FN1: variants seen among roughly 807,000 people sequenced by gnomAD.
The protein encoded by FN1 is fibronectin 1.
Under a neutral mutation model 297.3 loss-of-function variants are expected in FN1, and 106 were observed. The observed-to-expected ratio is 0.36, with a 90% CI of 0.30 to 0.42. The LOEUF (loss-of-function observed/expected upper bound fraction) is 0.42. Ranked by LOEUF, FN1 falls within the 10% of genes least tolerant of loss-of-function variation. The probability of loss-of-function intolerance (pLI) is 1.00; values close to 1 mark genes in which losing one functional copy is unlikely to be tolerated. For missense variants in FN1, 2,690 were observed against 3,124.9 expected, an observed-to-expected ratio of 0.86 and a Z score of 3.32; for synonymous variants, 1,149 against 1,152.6, an observed-to-expected ratio of 1.00 and a Z score of 0.06.
intron 13 of FN1, among the ~76,000 whole-genome samples, chr2:215,412,191 C>CTTTTTT (rs11315848): frequency 1.4e-5 from 2 of 144,548 alleles, no homozygotes; most frequent in Non-Finnish European, 1.5e-5. Context: ...AATGACTTTT[C>CTTTTTT]TTTTTTTTTT....
At chr2:215,434,565 A>T in intron 2 of FN1, 131 bp downstream of exon 2, 1 of 1,137,416 alleles carries the variant, frequency 8.8e-7, no homozygotes, top group East Asian at 2.4e-5. Flanking sequence ...AGCAGTTTTT[A>T]AACTTAAGAG....
chr2:215,397,894 G>A (rs2060495825), intron 21 of FN1, 46 bp from the exon 22 acceptor site: 2 of 1,563,564 alleles, frequency 1.3e-6, no homozygotes, highest in Admixed American at 1.7e-5. Context: ...AATATTTCCA[G>A]AGGACTGTTA....
chr2:215,399,415 G>T, intron 20 of FN1, 64 bp from the exon 21 acceptor site: 2 of 1,080,638 alleles, frequency 1.9e-6, no homozygotes, highest in Non-Finnish European at 2.9e-6. Flanking sequence ...ATAGCATATA[G>T]ATAACAAGTA....
intron 13 of FN1, among the ~76,000 whole-genome samples, chr2:215,410,688 G>A (rs2062498554): frequency 6.6e-6 from 1 of 151,960 alleles, no homozygotes; most frequent in Non-Finnish European, 1.5e-5. Flanking sequence ...TATATTTTTA[G>A]TAGAGATGGG....
chr2:215,419,734 T>C (rs1246810013), intron 11 of FN1, among the ~76,000 whole-genome samples: 2 of 152,200 alleles, frequency 1.3e-5, no homozygotes, highest in South Asian at 2.1e-4. Flanking sequence ...AACATTTAAA[T>C]AGCAAGAAAA....
intron 21 of FN1, among the ~76,000 whole-genome samples, chr2:215,398,552 G>C (rs1375819742): frequency 1.3e-5 from 2 of 152,132 alleles, no homozygotes; most frequent in Non-Finnish European, 2.9e-5. Flanking sequence ...TTCTATATTT[G>C]AGTAGCATAA....
intron 2 of FN1, among the ~76,000 whole-genome samples, chr2:215,434,121 A>C (rs2067024956): frequency 6.6e-6 from 1 of 152,106 alleles, no homozygotes; most frequent in African/African-American, 2.4e-5. Context: ...CAAAACAAAA[A>C]CAAACAAACA....
At chr2:215,373,041 C>T (rs1366627508) in intron 39 of FN1, among the ~76,000 whole-genome samples, 2 of 151,996 alleles carry the variant, frequency 1.3e-5, no homozygotes, top group Non-Finnish European at 2.9e-5. Context: ...GCAATGATAG[C>T]TCTTCTTTTA....
At chr2:215,375,119 C>G in intron 38 of FN1, 95 bp downstream of exon 38, 1 of 1,257,038 alleles carries the variant, frequency 8.0e-7, no homozygotes, top group Non-Finnish European at 1.2e-6. Context: ...TTCGCATTCT[C>G]ATGACACAGT....
At chr2:215,372,442 A>G (rs1009168785) in intron 39 of FN1, 67 bp from the exon 40 acceptor site, 74 of 1,165,920 alleles carry the variant, frequency 6.3e-5, no homozygotes, top group Non-Finnish European at 8.5e-5. Flanking sequence ...CAGCAATGAT[A>G]ATAATCGATT....
At chr2:215,384,581 C>T (rs1250698748) in intron 29 of FN1, 1 of 399,174 alleles carries the variant, frequency 2.5e-6, no homozygotes, top group Non-Finnish European at 4.5e-6. Flanking sequence ...ATAAAAATCA[C>T]TTATTTCCAC....
At chr2:215,433,554 TCCA>T in intron 2 of FN1, 93 bp from the exon 3 acceptor site, 1 of 1,235,964 alleles carries the variant, frequency 8.1e-7, no homozygotes, top group East Asian at 2.5e-5. Context: ...ACTTCTCTAT[TCCA>T]CAAGTAACAT....
intron 2 of FN1, 89 bp from the exon 3 acceptor site, chr2:215,433,550 C>T (rs2066905331): frequency 7.8e-7 from 1 of 1,287,022 alleles, no homozygotes; most frequent in Admixed American, 2.0e-5. Context: ...ACCCACTTCT[C>T]TATTCCACAA....
intron 41 of FN1, among the ~76,000 whole-genome samples, chr2:215,369,917 G>A (rs2106209740): frequency 6.6e-6 from 1 of 152,250 alleles, no homozygotes; most frequent in South Asian, 2.1e-4. Context: ...TCACTCAAGA[G>A]GACAGCAGCA....
In FN1 at chr2:215,435,843, G is replaced by C; in HGVS notation, c.-41C>G. The C allele has an allele frequency of 1.3e-6, 2 of 1,513,912 alleles. No homozygotes were observed. The highest frequency in any genetic ancestry group is 2.4e-5 in the South Asian group (2 of 82,066). 93.8% of individuals were successfully genotyped at this position (1,513,912 alleles called of 1,614,324 possible). ...GAGAGACGCCCGCACCGGGAGGCAA[G>C]TTGCCACCAAGTTTGCTTCCCTTCG... On this transcript the variant is annotated 5_prime_UTR_variant, in exon 1 of 46. Coordinates refer to ENST00000354785, the MANE Select transcript of FN1 (RefSeq NM_212482.4).
At chr2:215,397,542 TA>T in intron 22 of FN1, 137 bp downstream of exon 22, 1 of 744,416 alleles carries the variant, frequency 1.3e-6, no homozygotes, top group Non-Finnish European at 2.4e-6. Flanking sequence ...AATTCAGGAA[TA>T]GCATTAATAA....
chr2:215,364,764 G>A, intron 44 of FN1, 115 bp downstream of exon 44: 1 of 728,416 alleles, frequency 1.4e-6, no homozygotes, highest in Non-Finnish European at 2.4e-6. Flanking sequence ...CAGGAAATGT[G>A]GTATTTTAAT....
At chr2:215,422,541 G>A (rs753332411) in intron 9 of FN1, among the ~76,000 whole-genome samples, 11 of 152,158 alleles carry the variant, frequency 7.2e-5, no homozygotes, top group Non-Finnish European at 1.2e-4. Flanking sequence ...CTAGAAGCCT[G>A]GATTTAACTA....
chr2:215,401,198 A>G (rs1250257), intron 20 of FN1, among the ~76,000 whole-genome samples: 20,062 of 85,766 alleles, frequency 0.23, 4,585 homozygotes, highest in African/African-American at 0.28. Flanking sequence ...AGAAAGAAAG[A>G]AAAGAAAGAA....
Sources: gnomAD v4.1 joint callset for allele counts (sites outside exome capture counted in the v4.1 genomes callset) on GRCh38, gnomAD v4.1.1 for gene constraint, MANE v1.5 for transcripts, NCBI Gene and HGNC (gene_info 2026-07-23, HGNC 2026-07-21) for gene names.